PPP2R2C: variants seen among roughly 807,000 people sequenced by gnomAD.
PPP2R2C encodes protein phosphatase 2, regulatory subunit B, gamma.
PPP2R2C carries 10 observed loss-of-function variants against 45.3 expected under a neutral mutation model. The observed-to-expected ratio is 0.22, with a 90% CI of 0.14 to 0.37. The LOEUF (loss-of-function observed/expected upper bound fraction) is 0.37. PPP2R2C is among the 10% of genes least tolerant of loss of function. The pLI is 1.00. For synonymous variants in PPP2R2C, 257 were observed against 245.4 expected (o/e 1.05, Z -0.44); for missense variants, 308 against 619.7 (o/e 0.50, Z 5.34).
intron 1 of PPP2R2C, among the ~76,000 whole-genome samples, chr4:6,454,296 G>A (rs1445366391): frequency 6.6e-6 from 1 of 152,144 alleles, no homozygotes; most frequent in Non-Finnish European, 1.5e-5. Context: ...CAAAGGTTGA[G>A]TCCAACTGCC....
At chr4:6,407,566 T>C (rs74997410) in intron 1 of PPP2R2C, among the ~76,000 whole-genome samples, 3,152 of 152,062 alleles carry the variant, frequency 0.021, 100 homozygotes, top group African/African-American at 0.07. Flanking sequence ...GGCTAATTAT[T>C]TTTTTTGTAT....
chr4:6,401,105 A>AT (rs1218087580), intron 1 of PPP2R2C, among the ~76,000 whole-genome samples: 3 of 152,246 alleles, frequency 2.0e-5, no homozygotes, highest in Non-Finnish European at 4.4e-5. Flanking sequence ...GGACTATAAA[A>AT]TATGAACATG....
At position 6,329,439 on chromosome 4, in the gene PPP2R2C, G is replaced by A; in HGVS notation, c.961-86C>T. On this transcript the variant is annotated intron_variant, in intron 7 of 8. Coordinates refer to ENST00000382599, the MANE Select transcript of PPP2R2C (RefSeq NM_020416.4). This position sits in a 1 kb window ranked among gnomAD's most constrained non-coding sequence, Gnocchi z 5.8. The stretch of plus-strand genomic sequence containing the variant: ...AAGAAGGGTCTCAAAGAGCAGCGAG[G>A]GTCTGCATGCCCTGACATGGCCCAG... 1.7e-6 allele frequency: 2 copies of A among 1,182,016 alleles called. No homozygotes were observed. Among genetic ancestry groups the A allele is most frequent in the Admixed American group, 3.6e-5 (2 of 55,242 alleles). 73.2% of individuals were successfully genotyped at this position (1,182,016 alleles called of 1,614,324 possible).
chr4:6,509,932 C>T (rs2108800533), intron 2 of PPP2R2C, among the ~76,000 whole-genome samples: 1 of 152,340 alleles, frequency 6.6e-6, no homozygotes, highest in East Asian at 1.9e-4. Flanking sequence ...CCTGCACCCT[C>T]CACGTGTAAC....
intron 1 of PPP2R2C, among the ~76,000 whole-genome samples, chr4:6,460,267 G>A (rs999771124): frequency 2.0e-5 from 3 of 152,318 alleles, no homozygotes; most frequent in East Asian, 3.9e-4. Flanking sequence ...TCATATGGAT[G>A]AGCCCTAACT....
chr4:6,511,795 GTGA>G lies in PPP2R2C; in HGVS notation c.49+23473_49+23475del, dbSNP rs1411155972. The stretch of plus-strand genomic sequence containing the variant: ...GATGGTGGTAATGGTGGTGGTGATG[GTGA>G]TGGTGGTGTTGGTGGTGGTGATGGT... On this transcript the variant is annotated intron_variant, in intron 2 of 9. Coordinates refer to the PPP2R2C transcript ENST00000506140. Among the ~76,000 whole-genome samples, 295 of 33,726 alleles carry G rather than the reference GTGA, an allele frequency of 8.7e-3. 63 individuals carry two copies. Among genetic ancestry groups the G allele is most frequent in the Non-Finnish European group, 0.011 (148 of 13,646 alleles). The allele number at this position is 33,726 out of a possible 152,430, so 22.1% of individuals were successfully genotyped here.
intron 1 of PPP2R2C, among the ~76,000 whole-genome samples, chr4:6,396,930 C>T (rs1025578859): frequency 6.6e-6 from 1 of 152,108 alleles, no homozygotes. Flanking sequence ...CGCACTGATG[C>T]GAGCCTACTC....
At chr4:6,388,306 A>G (rs928642678) in intron 1 of PPP2R2C, among the ~76,000 whole-genome samples, 3 of 152,058 alleles carry the variant, frequency 2.0e-5, no homozygotes, top group Admixed American at 6.6e-5. Flanking sequence ...ATCCCTAGTG[A>G]CCCGCCCAGT....
intron 1 of PPP2R2C, among the ~76,000 whole-genome samples, chr4:6,434,340 C>T (rs28538353): frequency 0.021 from 2,984 of 143,356 alleles, 97 homozygotes; most frequent in African/African-American, 0.07. Flanking sequence ...TTCTCACCTG[C>T]GTATTTCTTT....
At chr4:6,383,889 C>T (rs772942646) in intron 1 of PPP2R2C, 2 of 988,902 alleles carry the variant, frequency 2.0e-6, no homozygotes, top group Non-Finnish European at 2.4e-6. Flanking sequence ...TCCTGGCCTG[C>T]CCTGGCCTTC....
At chr4:6,547,938 C>T (rs1048032360) in intron 1 of PPP2R2C, among the ~76,000 whole-genome samples, 1 of 152,160 alleles carries the variant, frequency 6.6e-6, no homozygotes, top group Admixed American at 6.5e-5. Context: ...CATAATGGGG[C>T]CAGGCACGGT....
At chr4:6,338,024 G>A (rs1052214265) in intron 6 of PPP2R2C, among the ~76,000 whole-genome samples, 1 of 151,762 alleles carries the variant, frequency 6.6e-6, no homozygotes, top group Non-Finnish European at 1.5e-5. Flanking sequence ...GAGTACGCAC[G>A]CAAACACACA....
At chr4:6,498,635 C>T (rs1722947517) in intron 2 of PPP2R2C, among the ~76,000 whole-genome samples, 2 of 152,090 alleles carry the variant, frequency 1.3e-5, no homozygotes, top group Admixed American at 6.5e-5. Context: ...CCCTGCAGTG[C>T]GAGCTCCAAG....
chr4:6,469,939 G>A (rs564314740), intron 1 of PPP2R2C, among the ~76,000 whole-genome samples: 53 of 152,352 alleles, frequency 3.5e-4, no homozygotes, highest in African/African-American at 1.1e-3. Context: ...TCTGGACCAG[G>A]CACAAGGCCA....
In PPP2R2C at chr4:6,324,651, G is replaced by A. The variant is rs1165673699; in HGVS notation, c.1053-1058C>T. 6.6e-6 allele frequency among the ~76,000 whole-genome samples: 1 copy of A among 152,202 alleles called. No individual in the cohort carries two copies. Among genetic ancestry groups the A allele is most frequent in the East Asian group, 1.9e-4 (1 of 5,186 alleles). On this transcript the variant is annotated intron_variant, in intron 8 of 8. Coordinates refer to ENST00000382599, the MANE Select transcript of PPP2R2C (RefSeq NM_020416.4). This position sits in a 1 kb window ranked among gnomAD's most constrained non-coding sequence, Gnocchi z 4.1. ...CATGCATCGCCATGAGGGTCGGGGC[G>A]AGCAGTGCTGACGTGCAGGGGCTCG...
chr4:6,367,777 C>T (rs570314953), intron 5 of PPP2R2C, among the ~76,000 whole-genome samples: 16 of 152,296 alleles, frequency 1.1e-4, no homozygotes, highest in African/African-American at 2.9e-4. Context: ...GGGAGCCAAG[C>T]GGCAACAGGC....
At chr4:6,550,692 A>G (rs1725156778) in intron 1 of PPP2R2C, among the ~76,000 whole-genome samples, 1 of 152,192 alleles carries the variant, frequency 6.6e-6, no homozygotes, top group Admixed American at 6.6e-5. Flanking sequence ...GCTGGAGTAC[A>G]GCTCCACATC....
intron 2 of PPP2R2C, among the ~76,000 whole-genome samples, chr4:6,483,006 C>T (rs1482205979): frequency 6.6e-6 from 1 of 151,742 alleles, no homozygotes; most frequent in East Asian, 1.9e-4. Flanking sequence ...ATGACTTTAG[C>T]CTTTAATCTA....
chr4:6,360,523 C>G (rs1003120738), intron 5 of PPP2R2C, among the ~76,000 whole-genome samples: 1 of 152,310 alleles, frequency 6.6e-6, no homozygotes, highest in Admixed American at 6.5e-5. Flanking sequence ...CCATGGCAAC[C>G]AAGCAGCCAC....
Sources: gnomAD v4.1 joint callset for allele counts (sites outside exome capture counted in the v4.1 genomes callset) on GRCh38, gnomAD v4.1.1 for gene constraint, Gnocchi (gnomAD v3.1) non-coding constraint, MANE v1.5 for transcripts, NCBI Gene and HGNC (gene_info 2026-07-23, HGNC 2026-07-21) for gene names.